The following SOX6 variants were observed in gnomAD, a reference collection of about 807,000 sequenced individuals.
SOX6 encodes SRY-box transcription factor 6, also known as transcription factor SOX-6.
SOX6 carries 11 observed loss-of-function variants against 97.8 expected under a neutral mutation model. That is an observed-to-expected ratio of 0.11 (90% CI 0.07 to 0.19). SOX6 has a LOEUF of 0.19. SOX6 is among the 10% of genes least tolerant of loss of function. The pLI is 1.00. For synonymous variants in SOX6, 360 were observed against 371.4 expected, an observed-to-expected ratio of 0.97 and a Z score of 0.35; for missense variants, 810 against 1,039.5, an observed-to-expected ratio of 0.78 and a Z score of 3.04.
chr11:16,193,478 TA>T (rs1851686355), intron 4 of SOX6, among the ~76,000 whole-genome samples: 1 of 152,212 alleles, frequency 6.6e-6, no homozygotes, highest in Non-Finnish European at 1.5e-5. Flanking sequence ...CCAGGGAATT[TA>T]AAATGAGATT....
intron 13 of SOX6, among the ~76,000 whole-genome samples, chr11:15,996,615 A>C (rs554449747): frequency 6.6e-6 from 1 of 152,296 alleles, no homozygotes; most frequent in Admixed American, 6.5e-5. Context: ...CTTGACTCAA[A>C]ACAAAAAACA....
chr11:16,323,673 C>G (rs1470709176), intron 2 of SOX6, among the ~76,000 whole-genome samples: 2 of 152,080 alleles, frequency 1.3e-5, no homozygotes, highest in Admixed American at 1.3e-4. Flanking sequence ...AACTACACAT[C>G]AAAGCACTTA....
intron 6 of SOX6, among the ~76,000 whole-genome samples, chr11:16,125,335 C>T (rs2134012270): frequency 6.6e-6 from 1 of 152,096 alleles, no homozygotes; most frequent in South Asian, 2.1e-4. Context: ...ATTCTTAGTT[C>T]AGTCTCTGTG....
chr11:16,692,310 A>G, intron 3 of SOX6, among the ~76,000 whole-genome samples: 1 of 152,262 alleles, frequency 6.6e-6, no homozygotes, highest in South Asian at 2.1e-4. Flanking sequence ...TCGGCCTTCC[A>G]AAGTGCTGGG....
intron 1 of SOX6, among the ~76,000 whole-genome samples, chr11:16,427,486 C>T (rs12221945): frequency 0.18 from 26,760 of 151,698 alleles, 2,851 homozygotes; most frequent in Admixed American, 0.31. Flanking sequence ...CCCACTCCCC[C>T]CACCCCACAA....
At chr11:16,415,498 T>C (rs1024873404) in intron 1 of SOX6, among the ~76,000 whole-genome samples, 29 of 152,066 alleles carry the variant, frequency 1.9e-4, no homozygotes, top group Admixed American at 2.0e-4. Context: ...TTCTACAGCA[T>C]TGAAGGTGAC....
chr11:15,971,263 C>T lies in SOX6; in HGVS notation c.*1546G>A, dbSNP rs1853299773. On this transcript the variant is annotated 3_prime_UTR_variant, in exon 16 of 16. Coordinates refer to ENST00000683767, the MANE Select transcript of SOX6 (RefSeq NM_001367873.1). The stretch of plus-strand genomic sequence containing the variant: ...TCATGACTATTTGCCACCATCTTTG[C>T]TCTGAGGCTGTCATGTGGCTTTTTG... 6.5e-6 allele frequency: 1 copy of T among 152,694 alleles called. No homozygotes were observed. The highest frequency in any genetic ancestry group is 6.5e-5 in the Admixed American group (1 of 15,284). 9.5% of individuals were successfully genotyped at this position (152,694 alleles called of 1,614,324 possible). A position where few individuals can be genotyped will look rare whatever the true frequency, so the allele number is the denominator to read the frequency against.
At chr11:16,307,418 A>G (rs1855474509) in intron 3 of SOX6, among the ~76,000 whole-genome samples, 1 of 152,216 alleles carries the variant, frequency 6.6e-6, no homozygotes, top group Admixed American at 6.5e-5. Context: ...TTTTAGGACT[A>G]TGTACATTGG....
chr11:16,434,706 AG>A (rs1393953625), intron 1 of SOX6, among the ~76,000 whole-genome samples: 7 of 152,174 alleles, frequency 4.6e-5, no homozygotes, highest in Non-Finnish European at 1.5e-5. Context: ...GTTGTTCATA[AG>A]TAAGTGCTCA....
At chr11:16,076,636 C>T (rs939291624) in intron 9 of SOX6, among the ~76,000 whole-genome samples, 3 of 151,426 alleles carry the variant, frequency 2.0e-5, no homozygotes, top group African/African-American at 7.3e-5. Flanking sequence ...GGCTGGGAGG[C>T]CCTAGGAAAC....
chr11:16,699,039 C>T (rs1848073927), intron 3 of SOX6, among the ~76,000 whole-genome samples: 1 of 152,142 alleles, frequency 6.6e-6, no homozygotes, highest in African/African-American at 2.4e-5. Flanking sequence ...TGGGTTGCCA[C>T]AAACCTTCAA....
At chr11:16,087,475 T>C (rs1472141306) in intron 9 of SOX6, among the ~76,000 whole-genome samples, 4 of 152,182 alleles carry the variant, frequency 2.6e-5, no homozygotes, top group African/African-American at 4.8e-5. Flanking sequence ...AAAGGCAGAC[T>C]TATATACTAT....
chr11:16,417,007 A>G (rs565153881), intron 1 of SOX6, among the ~76,000 whole-genome samples: 1 of 152,280 alleles, frequency 6.6e-6, no homozygotes, highest in South Asian at 2.1e-4. Context: ...TACTGGACGA[A>G]TTTAGCTACA....
intron 4 of SOX6, among the ~76,000 whole-genome samples, chr11:16,551,853 C>T (rs1365274760): frequency 6.6e-6 from 1 of 152,060 alleles, no homozygotes; most frequent in Non-Finnish European, 1.5e-5. Flanking sequence ...GATCTGCCCA[C>T]CTCAGCCTCC....
At chr11:16,026,294 AC>A (rs540549337) in intron 12 of SOX6, among the ~76,000 whole-genome samples, 257 of 152,260 alleles carry the variant, frequency 1.7e-3, no homozygotes, top group African/African-American at 6.1e-3. Context: ...GCACTAAAAA[AC>A]AATGCATTTT....
At chr11:16,735,546 T>C (rs1189174269) in intron 2 of SOX6, among the ~76,000 whole-genome samples, 1 of 152,224 alleles carries the variant, frequency 6.6e-6, no homozygotes, top group Admixed American at 6.5e-5. Flanking sequence ...TCCTGACATA[T>C]ATGAAGCATC....
At chr11:16,038,014 A>C in intron 12 of SOX6, among the ~76,000 whole-genome samples, 1 of 152,162 alleles carries the variant, frequency 6.6e-6, no homozygotes, top group East Asian at 1.9e-4. Flanking sequence ...TGGAAGGAAA[A>C]TATTAAAATT....
chr11:16,235,244 T>C (rs1239069370), intron 3 of SOX6, among the ~76,000 whole-genome samples: 1 of 152,086 alleles, frequency 6.6e-6, no homozygotes, highest in African/African-American at 2.4e-5. Context: ...ATTTTTCTCT[T>C]ATGTAAAAAC....
intron 4 of SOX6, among the ~76,000 whole-genome samples, chr11:16,228,299 G>C (rs555103488): frequency 1.3e-5 from 2 of 152,048 alleles, no homozygotes; most frequent in African/African-American, 4.8e-5. Flanking sequence ...TTCATTTAAA[G>C]TTTTAATAAT....
Sources: gnomAD v4.1 joint callset for allele counts (sites outside exome capture counted in the v4.1 genomes callset) on GRCh38, gnomAD v4.1.1 for gene constraint, MANE v1.5 for transcripts, NCBI Gene and HGNC (gene_info 2026-07-23, HGNC 2026-07-21) for gene names.